The following TRIM39 variants were observed in gnomAD, a reference collection of about 807,000 sequenced individuals.
TRIM39 encodes the protein tripartite motif containing 39.
TRIM39 carries 5 observed loss-of-function variants against 53.6 expected under a neutral mutation model. The ratio of observed to expected loss-of-function variants is 0.09; its 90% confidence interval spans 0.05 to 0.20. The LOEUF (loss-of-function observed/expected upper bound fraction) is 0.20. Among genes scored for constraint, TRIM39 ranks in the 10% least tolerant of loss-of-function variants. The pLI is 1.00. For missense variants in TRIM39, 310 were observed against 621.0 expected, an observed-to-expected ratio of 0.50 and a Z score of 5.32; for synonymous variants, 196 against 237.6, an observed-to-expected ratio of 0.82 and a Z score of 1.61.
rs907525534 is a variant in TRIM39, at chr6:30,328,923, C to T, written c.-126C>T. 3.2e-5 allele frequency: 6 copies of T among 184,968 alleles called. No homozygotes were observed. Among genetic ancestry groups the T allele is most frequent in the South Asian group, 1.7e-4 (1 of 5,892 alleles). 11.5% of individuals were successfully genotyped at this position (184,968 alleles called of 1,614,324 possible). ...TTGTCTGTTAGAAACGTATGTCAAA[C>T]GAGGATACAGTGTCTGGAACTATTG... On this transcript the variant is annotated 5_prime_UTR_variant, in exon 2 of 8. The change creates a new upstream start codon in the 5' untranslated region. Coordinates refer to ENST00000396551, the Ensembl canonical transcript of TRIM39.
exon 8 of TRIM39, chr6:30,341,938 C>T (rs995862252): frequency 6.2e-7 from 1 of 1,613,052 alleles, no homozygotes; most frequent in Non-Finnish European, 8.5e-7. Flanking sequence ...TATGCCGGGA[C>T]TCCGTGAGCC....
At chr6:30,341,979 C>T (rs1787602713) in exon 8 of TRIM39, 1 of 1,612,994 alleles carries the variant, frequency 6.2e-7, no homozygotes, top group Non-Finnish European at 8.5e-7. Context: ...CTCCCTGAGA[C>T]TGGCTACTGG....
chr6:30,343,325 T>C (rs1283003384), exon 8 of TRIM39: 1 of 152,678 alleles, frequency 6.5e-6, no homozygotes. Flanking sequence ...GGCAACTTCA[T>C]TTGGCTTGTG....
At chr6:30,341,737 A>G (rs1434695311) in exon 8 of TRIM39, 1 of 1,612,788 alleles carries the variant, frequency 6.2e-7, no homozygotes, top group Non-Finnish European at 8.5e-7. Flanking sequence ...ACCCTGAGAC[A>G]GCTCATCCTA....
chr6:30,340,659 G>A (rs1306118007), intron 7 of TRIM39, 39 bp downstream of exon 7: 1 of 1,589,072 alleles, frequency 6.3e-7, no homozygotes, highest in Non-Finnish European at 8.5e-7. Context: ...GAAACCACTA[G>A]AGAGAAGAAA....
chr6:30,336,092 T>C, intron 5 of TRIM39, 117 bp downstream of exon 5: 5 of 1,456,154 alleles, frequency 3.4e-6, no homozygotes, highest in Non-Finnish European at 4.7e-6. Flanking sequence ...AATCCAGTTC[T>C]TTCTGCCAGG....
At chr6:30,333,785 TG>T (rs950422719) in intron 4 of TRIM39, among the ~76,000 whole-genome samples, 1 of 152,070 alleles carries the variant, frequency 6.6e-6, no homozygotes, top group African/African-American at 2.4e-5. Flanking sequence ...TCCCCAACCA[TG>T]GAAAACAAGA....
At chr6:30,341,072 G>T (rs745855460) in intron 7 of TRIM39, among the ~76,000 whole-genome samples, 2 of 152,078 alleles carry the variant, frequency 1.3e-5, no homozygotes, top group Non-Finnish European at 1.5e-5. Context: ...GCCAGATGTG[G>T]TGTTGGGCGC....
At chr6:30,336,564 GAC>G (rs1160815454) in intron 5 of TRIM39, among the ~76,000 whole-genome samples, 74 of 152,330 alleles carry the variant, frequency 4.9e-4, no homozygotes, top group Middle Eastern at 3.4e-3. Context: ...CTTAAAATAA[GAC>G]AACGACGAAG....
chr6:30,342,155 G>A lies in TRIM39; in HGVS notation c.1363G>A (p.Asp455Asn). 6.2e-7 allele frequency: 1 copy of A among 1,613,042 alleles called. No homozygotes were observed. The highest frequency in any genetic ancestry group is 8.5e-7 in the Non-Finnish European group (1 of 1,180,026). Residue 455 changes from aspartate to asparagine, a missense_variant, in exon 8 of 8, where the codon GAT becomes AAT. By Grantham distance (23) the Asp-to-Asn change is conservative. This residue lies in a region of TRIM39 where 75 missense variants were observed against 244.8 expected (regional missense o/e 0.31). Coordinates refer to ENST00000396551, the Ensembl canonical transcript of TRIM39. The surrounding 1 kb of genome is among the most constrained non-coding windows in gnomAD (Gnocchi z 4.7). Reference sequence around the variant, plus strand: ...CCGCTCTCATATCTACACCTTCACTGATACTTTTACTGAGAAACTTTGGCC... The same window carrying A: ...CCGCTCTCATATCTACACCTTCACTAATACTTTTACTGAGAAACTTTGGCC...
At position 30,339,830 on chromosome 6, in the gene TRIM39, G is replaced by T; in HGVS notation, c.781-78G>T. The T allele has an allele frequency of 6.3e-7, 1 of 1,595,088 alleles. No individual in the cohort carries two copies. On this transcript the variant is annotated intron_variant, in intron 5 of 7. Coordinates refer to ENST00000396551, the Ensembl canonical transcript of TRIM39. The surrounding 1 kb of genome is among the most constrained non-coding windows in gnomAD (Gnocchi z 4.2). ...CCTATTTTATAGCTGTGGAACTTTG[G>T]GGAGGAGGGGGAACCTTTTGCCTTC...
intron 6 of TRIM39, chr6:30,340,204 A>G (rs1787336719): frequency 7.1e-7 from 1 of 1,412,146 alleles, no homozygotes; most frequent in African/African-American, 1.4e-5. Context: ...AATTGTGTCC[A>G]AACAAGATGG....
Position 30,339,010 on chromosome 6 carries a change from C to G in TRIM39, c.781-898C>G, listed in dbSNP as rs1393362293. On this transcript the variant is annotated intron_variant, in intron 5 of 7. Transcript: ENST00000396551. This position sits in a 1 kb window ranked among gnomAD's most constrained non-coding sequence, Gnocchi z 4.2. Reference sequence around the variant, plus strand: ...TGTTACGTATTGCTTGGTATTTGTTCCTATGGCCTTTCATGTATGTGTGTT... The same window carrying G: ...TGTTACGTATTGCTTGGTATTTGTTGCTATGGCCTTTCATGTATGTGTGTT... Among the ~76,000 whole-genome samples the G allele has an allele frequency of 6.6e-6, 1 of 152,042 alleles. No individual in the cohort carries two copies. The highest frequency in any genetic ancestry group is 1.5e-5 in the Non-Finnish European group (1 of 68,004).
intron 7 of TRIM39, chr6:30,341,490 CAA>C: frequency 2.6e-6 from 2 of 773,426 alleles, no homozygotes; most frequent in Non-Finnish European, 4.6e-6. Context: ...ACTGCAGACT[CAA>C]GAGATTATTA....
chr6:30,330,666 A>G, intron 3 of TRIM39, 115 bp from the exon 4 acceptor site: 1 of 1,108,932 alleles, frequency 9.0e-7, no homozygotes, highest in Non-Finnish European at 1.3e-6. Context: ...ATCAAGAGGC[A>G]GTAAGATGGC....
exon 3 of TRIM39, chr6:30,329,361 C>T: frequency 6.2e-7 from 1 of 1,613,062 alleles, no homozygotes; most frequent in Non-Finnish European, 8.5e-7. Flanking sequence ...TCTGCAGCCT[C>T]TACAGCTGCG....
At chr6:30,334,412 A>C (rs1228445567) in intron 4 of TRIM39, among the ~76,000 whole-genome samples, 1 of 152,190 alleles carries the variant, frequency 6.6e-6, no homozygotes, top group Non-Finnish European at 1.5e-5. Context: ...TATATTATCA[A>C]ATTTCAGGAA....
At chr6:30,340,400 G>A (rs774025209) in intron 6 of TRIM39, 105 bp from the exon 7 acceptor site, 2 of 1,610,552 alleles carry the variant, frequency 1.2e-6, no homozygotes, top group Non-Finnish European at 1.7e-6. Context: ...TGGGAAGATG[G>A]AGAATTTTAA....
intron 7 of TRIM39, among the ~76,000 whole-genome samples, chr6:30,341,207 CAA>C (rs113344801): frequency 2.6e-4 from 19 of 72,472 alleles, no homozygotes; most frequent in Admixed American, 6.1e-4. Flanking sequence ...GATTCCATCT[CAA>C]AAAAAAAAAA....
Sources: allele counts gnomAD v4.1 joint callset (sites outside exome capture counted in the v4.1 genomes callset), GRCh38; gene constraint gnomAD v4.1.1; regional missense constraint gnomAD v4.1.1; non-coding constraint Gnocchi (gnomAD v3.1); transcripts MANE v1.5; gene names NCBI Gene and HGNC (gene_info 2026-07-23, HGNC 2026-07-21).